Variants in ARPP21 observed in about 807,000 individuals in gnomAD.
ARPP21 encodes the protein cAMP-regulated phosphoprotein 21.
In ARPP21, 69 loss-of-function variants were observed where a neutral mutation model predicts 113.2. The ratio of observed to expected loss-of-function variants is 0.61; its 90% CI spans 0.50 to 0.74. The LOEUF is 0.74. Ranked by LOEUF, ARPP21 falls within the 30% of genes least tolerant of loss-of-function variation. ARPP21 has a pLI of 0.00. For missense variants in ARPP21, 1,070 were observed against 1,037.4 expected (o/e 1.03, Z -0.43); for synonymous variants, 368 against 375.5 (o/e 0.98, Z 0.23).
chr3:35,708,651 C>T (rs1248105019), intron 10 of ARPP21, among the ~76,000 whole-genome samples: 2 of 152,204 alleles, frequency 1.3e-5, no homozygotes, highest in Non-Finnish European at 2.9e-5. Context: ...AGACAGAGTC[C>T]ATCAGTGATG....
At chr3:35,747,967 G>A (rs1034250740) in intron 19 of ARPP21, among the ~76,000 whole-genome samples, 1 of 148,724 alleles carries the variant, frequency 6.7e-6, no homozygotes, top group Non-Finnish European at 1.5e-5. Context: ...AAGAAAGAGA[G>A]AGAGAGAGAG....
intron 1 of ARPP21, among the ~76,000 whole-genome samples, chr3:35,670,777 C>T (rs976479944): frequency 2.6e-5 from 4 of 152,096 alleles, no homozygotes; most frequent in East Asian, 1.9e-4. Flanking sequence ...TTGTGAGGCT[C>T]CTGAAAATGT....
chr3:35,686,032 G>A (rs2080457334), intron 5 of ARPP21: 1 of 155,232 alleles, frequency 6.4e-6, no homozygotes, highest in Non-Finnish European at 1.4e-5. Flanking sequence ...CTCTGCTCAT[G>A]CATTTATAAT....
intron 1 of ARPP21, among the ~76,000 whole-genome samples, chr3:35,655,578 A>G (rs1704478895): frequency 6.6e-6 from 1 of 152,014 alleles, no homozygotes; most frequent in South Asian, 2.1e-4. Context: ...TTGATTTCAT[A>G]GCTCTGCCCC....
At position 35,738,333 on chromosome 3, in the gene ARPP21, G is replaced by A; in HGVS notation, c.1749+15G>A. On this transcript the variant is annotated intron_variant, in intron 17 of 20. Transcript: ENST00000684406. ...ACTTTCCCATGGTACTGTATTATGT[G>A]TATATGACTTTTTCCCCTAGGAAAG... The A allele has an allele frequency of 6.6e-7, 1 of 1,504,406 alleles. No individual in the cohort carries two copies. 93.2% of individuals were successfully genotyped at this position (1,504,406 alleles called of 1,614,324 possible).
chr3:35,772,811 G>T (rs900289940), intron 19 of ARPP21, among the ~76,000 whole-genome samples: 10 of 152,148 alleles, frequency 6.6e-5, no homozygotes, highest in African/African-American at 2.2e-4. Context: ...AGCTGCACAG[G>T]CTTGCCTGGG....
At chr3:35,754,225 A>G (rs956889436) in intron 19 of ARPP21, among the ~76,000 whole-genome samples, 47 of 152,010 alleles carry the variant, frequency 3.1e-4, no homozygotes, top group African/African-American at 1.1e-3. Flanking sequence ...TAAGTTACAT[A>G]CATTTTAATA....
chr3:35,764,503 T>C (rs112828055), intron 19 of ARPP21, among the ~76,000 whole-genome samples: 2 of 152,146 alleles, frequency 1.3e-5, no homozygotes, highest in Non-Finnish European at 2.9e-5. Context: ...TGAGTTAAAT[T>C]TGGATTCTTA....
In ARPP21 at chr3:35,706,960, T is replaced by C; in HGVS notation, c.687-14T>C. 1 of 1,601,460 alleles carries C rather than the reference T, an allele frequency of 6.2e-7. No homozygotes were observed. Among genetic ancestry groups the C allele is most frequent in the Non-Finnish European group, 8.5e-7 (1 of 1,172,834 alleles). On this transcript the variant is annotated splice_polypyrimidine_tract_variant and intron_variant, in intron 9 of 20. Coordinates refer to ENST00000684406, the MANE Select transcript of ARPP21 (RefSeq NM_001385562.1). Reference sequence around the variant, plus strand: ...GAAAAACTTTTTTATTGATATGTTTTACTTTGCTGGCAGACCAGAGCAAAG... The same window carrying C: ...GAAAAACTTTTTTATTGATATGTTTCACTTTGCTGGCAGACCAGAGCAAAG...
At chr3:35,663,966 G>A (rs1461014929) in intron 1 of ARPP21, among the ~76,000 whole-genome samples, 1 of 152,138 alleles carries the variant, frequency 6.6e-6, no homozygotes, top group African/African-American at 2.4e-5. Context: ...GGTCCTCTTG[G>A]AAATTGTTGC....
chr3:35,794,166 A>G lies in ARPP21; in HGVS notation c.*208A>G, dbSNP rs776578073. ...TGTCATGTCTGCTAGGTATGCCTTT[A>G]TAGCTTAGCTAGTGACATGAATTCA... On this transcript the variant is annotated 3_prime_UTR_variant, in exon 21 of 21. Coordinates refer to ENST00000684406, the MANE Select transcript of ARPP21 (RefSeq NM_001385562.1). 2.7e-5 allele frequency: 16 copies of G among 591,476 alleles called. No homozygotes were observed. Among genetic ancestry groups the G allele is most frequent in the Middle Eastern group, 9.0e-4 (2 of 2,220 alleles). The allele number at this position is 591,476 out of a possible 1,614,324, so 36.6% of individuals were successfully genotyped here.
intron 14 of ARPP21, among the ~76,000 whole-genome samples, chr3:35,723,741 CA>C (rs1049154802): frequency 5.3e-5 from 8 of 152,124 alleles, no homozygotes; most frequent in Non-Finnish European, 7.4e-5. Context: ...TAAAACACTT[CA>C]AAAATGTTAA....
intron 10 of ARPP21, among the ~76,000 whole-genome samples, chr3:35,707,725 ATGT>A (rs1367512368): frequency 6.6e-6 from 1 of 152,064 alleles, no homozygotes; most frequent in African/African-American, 2.4e-5. Context: ...ACAAAACATT[ATGT>A]TGTTCTAGAG....
intron 1 of ARPP21, among the ~76,000 whole-genome samples, chr3:35,668,555 C>T (rs779135771): frequency 6.6e-5 from 10 of 152,094 alleles, no homozygotes; most frequent in Non-Finnish European, 1.3e-4. Context: ...ACGAAGTCTA[C>T]CAGGATATGA....
chr3:35,766,831 A>ATGTGTG (rs10662640), intron 19 of ARPP21, among the ~76,000 whole-genome samples: 2 of 149,894 alleles, frequency 1.3e-5, no homozygotes, highest in African/African-American at 4.9e-5. Flanking sequence ...TATTATACAT[A>ATGTGTG]TGTGTGTGTG....
At chr3:35,774,228 G>A (rs149076710) in intron 19 of ARPP21, among the ~76,000 whole-genome samples, 232 of 152,262 alleles carry the variant, frequency 1.5e-3, no homozygotes, top group African/African-American at 5.3e-3. Flanking sequence ...GCCAGCCTGC[G>A]CAACATAGCA....
Position 35,715,507 on chromosome 3 carries a change from A to G in ARPP21, c.935+31A>G, listed in dbSNP as rs750310067. 17 of 1,573,130 alleles carry G rather than the reference A, an allele frequency of 1.1e-5. No homozygotes were observed. The South Asian group carries it at 1.8e-4, about 16-fold the overall frequency. ...ATAAAATTTACTTTTCCATGTCTTT[A>G]GAGGAACAACGTCTGTCATGTGTGT... On this transcript the variant is annotated intron_variant, in intron 12 of 20. Coordinates refer to ENST00000684406, the MANE Select transcript of ARPP21 (RefSeq NM_001385562.1).
At chr3:35,747,182 C>G (rs2095112067) in intron 19 of ARPP21, among the ~76,000 whole-genome samples, 1 of 152,060 alleles carries the variant, frequency 6.6e-6, no homozygotes, top group African/African-American at 2.4e-5. Context: ...GAAACCCCGT[C>G]TCTACTAAAA....
At chr3:35,647,045 T>C (rs1237766353) in intron 1 of ARPP21, among the ~76,000 whole-genome samples, 2 of 152,194 alleles carry the variant, frequency 1.3e-5, no homozygotes, top group African/African-American at 4.8e-5. Context: ...ATCTAGCATA[T>C]AATCATGTTG....
Sources: gnomAD v4.1 joint callset for allele counts (sites outside exome capture counted in the v4.1 genomes callset) on GRCh38, gnomAD v4.1.1 for gene constraint, MANE v1.5 for transcripts, NCBI Gene and HGNC (gene_info 2026-07-23, HGNC 2026-07-21) for gene names.